The following IFT140 variants were observed in gnomAD, a reference collection of about 807,000 sequenced individuals.
IFT140 encodes intraflagellar transport 140, also known as intraflagellar transport protein 140 homolog.
A neutral mutation model predicts 164.6 loss-of-function variants in IFT140; 133 were observed. That is an observed-to-expected ratio of 0.81 (90% CI 0.70 to 0.93). The LOEUF is 0.93. Ranked by LOEUF, IFT140 falls within the 40% of genes least tolerant of loss-of-function variation. IFT140 has a pLI of 0.00. For synonymous variants in IFT140, 860 were observed against 817.3 expected (o/e 1.05, Z -0.89); for missense variants, 2,045 against 1,972.3 (o/e 1.04, Z -0.70).
chr16:1,595,818 C>T (rs934506939), intron 4 of IFT140, among the ~76,000 whole-genome samples: 11 of 152,098 alleles, frequency 7.2e-5, no homozygotes, highest in Admixed American at 3.9e-4. Flanking sequence ...TTTGGGAGAC[C>T]GAGGTGAACA....
At position 1,526,005 on chromosome 16, in the gene IFT140, G is replaced by C. The variant is rs554196965; in HGVS notation, c.2650C>G (p.Arg884Gly). The stretch of plus-strand genomic sequence containing the variant: ...GCTACCTGGAGGGCCTCCTGCCACC[G>C]GCCCGCAGCCTGGTAGAACTTGTTC... ...LLNKFYQAAG[R>G]WQEALQVAEH... The change falls in exon 21 of 31, where the codon CGG (arginine) becomes GGG (glycine). Residue 884 changes from arginine to glycine, a missense_variant. Transcript: ENST00000426508. 8.1e-6 allele frequency: 13 copies of C among 1,600,676 alleles called. No individual in the cohort carries two copies. The highest frequency in any genetic ancestry group is 3.4e-5 in the Admixed American group (2 of 58,436).
intron 30 of IFT140, chr16:1,518,013 C>G (rs2040413072): frequency 1.0e-5 from 5 of 483,156 alleles, no homozygotes; most frequent in Non-Finnish European, 1.8e-5. Flanking sequence ...AATTTTTCCC[C>G]TTTTTGTAGA....
intron 3 of IFT140, chr16:1,604,272 G>GGTGTGTGTGTGTGTGTGTGTGT (rs1567431204): frequency 2.3e-5 from 1 of 42,886 alleles, no homozygotes; most frequent in African/African-American, 1.0e-4. Context: ...GCGCTGCAAG[G>GGTGTGTGTGTGTGTGTGTGTGT]GCGTGTGTGT....
chr16:1,561,133 C>A (rs2033384883), intron 18 of IFT140, among the ~76,000 whole-genome samples: 1 of 152,224 alleles, frequency 6.6e-6, no homozygotes. Context: ...TCGGGATGCT[C>A]CCAGAGGCTG....
chr16:1,567,504 C>T (rs757448752), intron 15 of IFT140, among the ~76,000 whole-genome samples: 3 of 152,210 alleles, frequency 2.0e-5, no homozygotes, highest in Non-Finnish European at 4.4e-5. Flanking sequence ...TCCACAGCAG[C>T]GCAGTGCTGT....
chr16:1,592,306 C>A lies in IFT140; in HGVS notation c.504G>T (p.Gln168His). Residue 168 changes from glutamine (Q) to histidine (H), a missense_variant, in exon 6 of 31, where the codon CAG becomes CAT. By Grantham distance (24) the Gln-to-His change is conservative. Transcript: ENST00000426508. ...RLPPPGEDLVQLAKAAVSGDE... is the reference protein window; with the variant it reads ...RLPPPGEDLVHLAKAAVSGDE... ...CACCGCTCACAGCTGCCTTTGCCAA[C>A]TGAACCAGGTCCCTGAAAGCAAACA... 1.2e-6 allele frequency: 2 copies of A among 1,614,208 alleles called. No homozygotes were observed. The highest frequency in any genetic ancestry group is 1.1e-5 in the South Asian group (1 of 91,086).
rs1194123037 is a variant in IFT140 at position 1,517,578 on chromosome 16, G to A, written c.4182+638C>T. 2.0e-5 allele frequency among the ~76,000 whole-genome samples: 3 copies of A among 152,174 alleles called. No homozygotes were observed. In the East Asian group the frequency reaches 5.8e-4, roughly 29 times the overall value. On this transcript the variant is annotated intron_variant, in intron 30 of 30. Coordinates refer to ENST00000426508, the MANE Select transcript of IFT140 (RefSeq NM_014714.4). ...AAATGTTGGTGGGGATGAGGAAAAC[G>A]CTAGAACACTGCGGCTGAATAAGTG...
At chr16:1,529,171 T>C (rs1006412521) in intron 19 of IFT140, among the ~76,000 whole-genome samples, 1 of 152,132 alleles carries the variant, frequency 6.6e-6, no homozygotes, top group Non-Finnish European at 1.5e-5. Flanking sequence ...CACGGACGCA[T>C]TCCACCACCC....
At chr16:1,516,687 G>A (rs547667129) in intron 30 of IFT140, among the ~76,000 whole-genome samples, 11 of 150,356 alleles carry the variant, frequency 7.3e-5, no homozygotes, top group South Asian at 6.3e-4. Context: ...GGAGAATGGC[G>A]TGAACCCGGG....
chr16:1,524,727 C>T (rs779768890), intron 23 of IFT140, 32 bp from the exon 24 acceptor site: 41 of 1,581,358 alleles, frequency 2.6e-5, no homozygotes, highest in Non-Finnish European at 3.1e-5. Flanking sequence ...AGACGAGACA[C>T]GGTGGCCTTG....
At chr16:1,608,453 C>T (rs115729443) in intron 2 of IFT140, among the ~76,000 whole-genome samples, 7,989 of 151,582 alleles carry the variant, frequency 0.053, 438 homozygotes, top group Admixed American at 0.17. Flanking sequence ...AAATGGCGAA[C>T]GCCACCCGCC....
chr16:1,511,357 G>A (rs569256307), intron 30 of IFT140, among the ~76,000 whole-genome samples: 1 of 152,244 alleles, frequency 6.6e-6, no homozygotes, highest in African/African-American at 2.4e-5. Context: ...CACATGCCAT[G>A]TGTGGACACT....
chr16:1,609,204 C>G (rs896547185), intron 2 of IFT140, among the ~76,000 whole-genome samples: 3 of 152,000 alleles, frequency 2.0e-5, no homozygotes, highest in Non-Finnish European at 4.4e-5. Flanking sequence ...GTTACAAATC[C>G]TGGGCTAAGG....
chr16:1,582,802 C>G (rs1486359716), intron 12 of IFT140, among the ~76,000 whole-genome samples: 1 of 152,240 alleles, frequency 6.6e-6, no homozygotes, highest in Non-Finnish European at 1.5e-5. Flanking sequence ...ACTGGGGAGA[C>G]TGAGGCAGGA....
intron 27 of IFT140, 127 bp from the exon 28 acceptor site, chr16:1,520,470 T>C (rs544668911): frequency 1.5e-6 from 2 of 1,334,816 alleles, no homozygotes; most frequent in African/African-American, 2.9e-5. Flanking sequence ...ATCTTAGTGG[T>C]TGTGCTCTTC....
intron 19 of IFT140, among the ~76,000 whole-genome samples, chr16:1,546,072 CCT>C (rs1259347845): frequency 6.6e-6 from 1 of 152,224 alleles, no homozygotes; most frequent in African/African-American, 2.4e-5. Flanking sequence ...CTGCACTGCA[CCT>C]CTGTTCTTTC....
At chr16:1,557,897 G>A (rs993296165) in intron 19 of IFT140, 38 bp downstream of exon 19, 33 of 1,589,776 alleles carry the variant, frequency 2.1e-5, no homozygotes, top group Middle Eastern at 2.1e-4. Flanking sequence ...CCGTGAGCAC[G>A]CGCTATCTCC....
chr16:1,523,477 T>G (rs2040582181), intron 26 of IFT140, 41 bp downstream of exon 26: 1 of 1,585,642 alleles, frequency 6.3e-7, no homozygotes, highest in Non-Finnish European at 8.6e-7. Context: ...TGAGCCGTGG[T>G]GCCTGCGTGG....
In IFT140 at chr16:1,587,270, G is replaced by A. The variant is rs758052767; in HGVS notation, c.937C>T (p.Leu313=). 1.2e-6 allele frequency: 2 copies of A among 1,612,284 alleles called. No individual in the cohort carries two copies. Among genetic ancestry groups the A allele is most frequent in the African/African-American group, 1.3e-5 (1 of 75,014 alleles). The change falls in exon 9 of 31, where the codon CTG becomes TTG. Residue 313 remains leucine, a synonymous_variant. Coordinates refer to ENST00000426508, the MANE Select transcript of IFT140 (RefSeq NM_014714.4). The part of the protein sequence containing the change: ...WDIERGENYI[L]SPDEKFGFEK... ...AAGCCAAACTTCTCATCTGGACTCA[G>A]TATATAATTCTCTCCTCGTTCTATG...
Sources: allele counts gnomAD v4.1 joint callset (sites outside exome capture counted in the v4.1 genomes callset), GRCh38; gene constraint gnomAD v4.1.1; transcripts MANE v1.5; gene names NCBI Gene and HGNC (gene_info 2026-07-23, HGNC 2026-07-21).